Variants in NELL1 observed in about 807,000 individuals in gnomAD.
The protein encoded by NELL1 is protein kinase C-binding protein NELL1.
NELL1 carries 76 observed loss-of-function variants against 107.4 expected under a neutral mutation model. The ratio of observed to expected loss-of-function variants is 0.71; its 90% CI spans 0.59 to 0.86. NELL1 has a LOEUF of 0.86. NELL1 is among the 40% of genes least tolerant of loss of function. NELL1 has a pLI of 0.00. For missense variants in NELL1, 1,024 were observed against 1,005.5 expected (o/e 1.02, Z -0.25); for synonymous variants, 353 against 341.2 (o/e 1.03, Z -0.38).
intron 15 of NELL1, among the ~76,000 whole-genome samples, chr11:21,497,489 T>G (rs1855013466): frequency 6.6e-6 from 1 of 152,290 alleles, no homozygotes; most frequent in South Asian, 2.1e-4. Context: ...TTTCTTAATT[T>G]CAGGTGAATA....
At chr11:21,220,450 A>T (rs1166559474) in intron 13 of NELL1, among the ~76,000 whole-genome samples, 1 of 152,184 alleles carries the variant, frequency 6.6e-6, no homozygotes, top group African/African-American at 2.4e-5. Flanking sequence ...TTGAATCTGT[A>T]GATCACTTTG....
At chr11:21,388,416 T>C (rs186899329) in intron 15 of NELL1, among the ~76,000 whole-genome samples, 1 of 151,942 alleles carries the variant, frequency 6.6e-6, no homozygotes, top group Non-Finnish European at 1.5e-5. Context: ...AGTCATAGGG[T>C]ACAAACTGTT....
At chr11:20,674,458 A>G (rs1184898935) in intron 1 of NELL1, 2 of 1,526,172 alleles carry the variant, frequency 1.3e-6, no homozygotes, top group African/African-American at 2.7e-5. Context: ...CTTTTTACAC[A>G]CGGTAACCCA....
chr11:20,851,080 G>C (rs1425359270), intron 4 of NELL1, among the ~76,000 whole-genome samples: 8 of 152,130 alleles, frequency 5.3e-5, no homozygotes, highest in Non-Finnish European at 1.2e-4. Context: ...CCACACCAGG[G>C]AGTCTTCCCA....
In NELL1 at chr11:21,463,108, G is replaced by A. The variant is rs1174968022; in HGVS notation, c.1646-71266G>A. On this transcript the variant is annotated intron_variant, in intron 15 of 19. Coordinates refer to ENST00000357134, the MANE Select transcript of NELL1 (RefSeq NM_006157.5). ...TTTACCACAGAGACTGGATCCAGGA[G>A]CCTCTCCTCTGTCTTCTGAGTTATG... Among the ~76,000 whole-genome samples the A allele has an allele frequency of 2.0e-5, 3 of 151,972 alleles. No individual in the cohort carries two copies. In the South Asian group the frequency reaches 6.2e-4, roughly 32 times the overall value.
intron 12 of NELL1, among the ~76,000 whole-genome samples, chr11:20,976,644 C>T (rs1033349475): frequency 6.6e-6 from 1 of 152,128 alleles, no homozygotes; most frequent in Non-Finnish European, 1.5e-5. Context: ...TTTAACATAG[C>T]ATCTGTTTAA....
chr11:21,563,076 G>A lies in NELL1; in HGVS notation c.1980+2694G>A, dbSNP rs527420075. Among the ~76,000 whole-genome samples the A allele has an allele frequency of 3.9e-5, 6 of 152,136 alleles. 1 individual carries two copies. Among genetic ancestry groups the A allele is most frequent in the African/African-American group, 1.4e-4 (6 of 41,556 alleles). Reference sequence around the variant, plus strand: ...GTTAATTAGGTACAGAAAGATTGCTGCACAGCTTAAAACTTATGTCCCTCC... The same window carrying A: ...GTTAATTAGGTACAGAAAGATTGCTACACAGCTTAAAACTTATGTCCCTCC... On this transcript the variant is annotated intron_variant, in intron 17 of 19. Coordinates refer to ENST00000357134, the MANE Select transcript of NELL1 (RefSeq NM_006157.5).
intron 17 of NELL1, among the ~76,000 whole-genome samples, chr11:21,563,192 A>G (rs976442522): frequency 6.6e-6 from 1 of 152,076 alleles, no homozygotes; most frequent in African/African-American, 2.4e-5. Context: ...GCGTCTTTTC[A>G]TAGATACCCA....
intron 10 of NELL1, among the ~76,000 whole-genome samples, chr11:20,944,933 C>T (rs773507754): frequency 1.3e-5 from 2 of 152,088 alleles, no homozygotes; most frequent in Admixed American, 6.6e-5. Context: ...TTTAAAAAAT[C>T]TTCTGTAGCA....
At chr11:21,283,052 G>T (rs1849033665) in intron 14 of NELL1, among the ~76,000 whole-genome samples, 1 of 151,852 alleles carries the variant, frequency 6.6e-6, no homozygotes, top group African/African-American at 2.4e-5. Flanking sequence ...TGTGGGGGAG[G>T]TGGGGATGGT....
At chr11:20,869,063 A>C (rs893836357) in intron 4 of NELL1, among the ~76,000 whole-genome samples, 5 of 152,182 alleles carry the variant, frequency 3.3e-5, no homozygotes, top group Non-Finnish European at 7.4e-5. Context: ...GAGTATATGA[A>C]ACTTTTGGGA....
At chr11:21,194,229 T>G in intron 13 of NELL1, among the ~76,000 whole-genome samples, 1 of 149,372 alleles carries the variant, frequency 6.7e-6, no homozygotes, top group East Asian at 1.9e-4. Flanking sequence ...CTAGCACCCA[T>G]GCTGACATCT....
chr11:21,352,843 C>G (rs1012334091), intron 14 of NELL1, among the ~76,000 whole-genome samples: 38 of 152,184 alleles, frequency 2.5e-4, no homozygotes, highest in African/African-American at 9.2e-4. Context: ...AACTTTGCTT[C>G]TCTCCTGTGT....
At chr11:20,845,012 C>G (rs12284609) in intron 3 of NELL1, among the ~76,000 whole-genome samples, 48,935 of 152,026 alleles carry the variant, frequency 0.32, 8,904 homozygotes, top group African/African-American at 0.49. Context: ...CCTTATTTTC[C>G]TCCTAGCCCT....
chr11:21,113,546 A>G, intron 12 of NELL1, 43 bp from the exon 13 acceptor site: 1 of 1,586,324 alleles, frequency 6.3e-7, no homozygotes, highest in Non-Finnish European at 8.6e-7. Context: ...CTGTTGTTCC[A>G]TTATTTTGCT....
chr11:20,923,940 G>C (rs1050067425), intron 7 of NELL1, among the ~76,000 whole-genome samples: 1 of 152,102 alleles, frequency 6.6e-6, no homozygotes, highest in African/African-American at 2.4e-5. Context: ...ACTTAGATCT[G>C]TTCATTGACC....
chr11:20,934,334 C>T (rs1032354556), intron 9 of NELL1, among the ~76,000 whole-genome samples: 10 of 152,120 alleles, frequency 6.6e-5, no homozygotes, highest in African/African-American at 9.7e-5. Flanking sequence ...ATGGTTGAGG[C>T]GTGCAGTAAT....
chr11:21,125,527 G>T (rs769823719), intron 13 of NELL1, among the ~76,000 whole-genome samples: 9 of 152,046 alleles, frequency 5.9e-5, no homozygotes, highest in Non-Finnish European at 7.4e-5. Flanking sequence ...CTAGGAGATT[G>T]TGGTCTCTTT....
chr11:20,689,469 T>C (rs1854398092), intron 2 of NELL1, among the ~76,000 whole-genome samples: 2 of 119,930 alleles, frequency 1.7e-5, no homozygotes, highest in East Asian at 2.7e-4. Context: ...CAGAGTGTGA[T>C]GTTCCCCTTC....
Sources: allele counts gnomAD v4.1 joint callset (sites outside exome capture counted in the v4.1 genomes callset), GRCh38; gene constraint gnomAD v4.1.1; transcripts MANE v1.5; gene names NCBI Gene and HGNC (gene_info 2026-07-23, HGNC 2026-07-21).